Variants in DOK5 observed in about 807,000 individuals in gnomAD.
The protein encoded by DOK5 is downstream of tyrosine kinase 5.
Under a neutral mutation model 43.3 loss-of-function variants are expected in DOK5, and 27 were observed. The ratio of observed to expected loss-of-function variants is 0.62; its 90% CI spans 0.46 to 0.86. DOK5 has a LOEUF of 0.86. Ranked by LOEUF, DOK5 falls within the 40% of genes least tolerant of loss-of-function variation. The probability of loss-of-function intolerance (pLI) is 0.00; values close to 1 mark genes in which losing one functional copy is unlikely to be tolerated. For missense variants in DOK5, 373 were observed against 392.9 expected, an observed-to-expected ratio of 0.95 and a Z score of 0.43; for synonymous variants, 146 against 140.1, an observed-to-expected ratio of 1.04 and a Z score of -0.30.
chr20:54,585,266 C>A (rs1413043631), intron 2 of DOK5, among the ~76,000 whole-genome samples: 1 of 152,022 alleles, frequency 6.6e-6, no homozygotes, highest in Non-Finnish European at 1.5e-5. Context: ...AAAATTATGA[C>A]CCTGGCTGCT....
chr20:54,650,666 T>G lies in DOK5; in HGVS notation c.*187T>G. Reference sequence around the variant, plus strand: ...TTTATTTTCTTTTTCTTTTTTAAATTCTTAGTGTAATTGAAACGTGCTCTA... The same window carrying G: ...TTTATTTTCTTTTTCTTTTTTAAATGCTTAGTGTAATTGAAACGTGCTCTA... On this transcript the variant is annotated 3_prime_UTR_variant, in exon 8 of 8. Transcript: ENST00000262593. 1.8e-6 allele frequency: 1 copy of G among 544,844 alleles called. No individual in the cohort carries two copies. Among genetic ancestry groups the G allele is most frequent in the Non-Finnish European group, 3.2e-6 (1 of 313,610 alleles). 33.8% of individuals were successfully genotyped at this position (544,844 alleles called of 1,614,324 possible).
At chr20:54,619,023 TTATATATATATATATATATATATA>T (rs11468808) in intron 6 of DOK5, among the ~76,000 whole-genome samples, 6,173 of 43,460 alleles carry the variant, frequency 0.14, 349 homozygotes, top group Middle Eastern at 0.24. Flanking sequence ...TTTCAATAAA[TTATATATATATATATATATATATA>T]TATATATATA....
At chr20:54,617,954 C>T (rs1192413431) in intron 6 of DOK5, among the ~76,000 whole-genome samples, 1 of 152,204 alleles carries the variant, frequency 6.6e-6, no homozygotes, top group African/African-American at 2.4e-5. Context: ...ACCACAATAA[C>T]TCTGAGGTAG....
intron 1 of DOK5, among the ~76,000 whole-genome samples, chr20:54,550,040 C>G (rs1297174241): frequency 1.3e-5 from 2 of 152,182 alleles, no homozygotes; most frequent in Admixed American, 6.5e-5. Flanking sequence ...CCTTGACAAC[C>G]ATAGTACTGA....
intron 6 of DOK5, among the ~76,000 whole-genome samples, chr20:54,638,706 G>A (rs538665406): frequency 7.3e-5 from 11 of 151,144 alleles, no homozygotes; most frequent in African/African-American, 2.2e-4. Flanking sequence ...TATGGGTCAC[G>A]TGTAGTATAC....
chr20:54,492,686 TTGTG>T lies in DOK5; in HGVS notation c.66+16708_66+16711del, dbSNP rs34741362. On this transcript the variant is annotated intron_variant, in intron 1 of 7. Coordinates refer to ENST00000262593, the MANE Select transcript of DOK5 (RefSeq NM_018431.5). ...AAAGAGTGCTTGTAAGAGTGTGGCT[TTGTG>T]TGTGTGTGTGTGTGTGTGTGTGTGT... 7.0e-3 allele frequency among the ~76,000 whole-genome samples: 995 copies of T among 141,142 alleles called. 6 individuals carry two copies. Among genetic ancestry groups the T allele is most frequent in the East Asian group, 0.045 (216 of 4,786 alleles). 92.6% of individuals were successfully genotyped at this position (141,142 alleles called of 152,430 possible). A position where few individuals can be genotyped will look rare whatever the true frequency, so the allele number is the denominator to read the frequency against.
chr20:54,632,650 A>T (rs1978623219), intron 6 of DOK5, among the ~76,000 whole-genome samples: 1 of 152,236 alleles, frequency 6.6e-6, no homozygotes, highest in Non-Finnish European at 1.5e-5. Flanking sequence ...TGTGACTTTC[A>T]CGTGGGCTCT....
intron 1 of DOK5, among the ~76,000 whole-genome samples, chr20:54,522,522 C>CT (rs112690376): frequency 0.027 from 3,779 of 140,168 alleles, 91 homozygotes; most frequent in African/African-American, 0.071. Flanking sequence ...TTCTTTCTTT[C>CT]TTTTTTTTTT....
chr20:54,582,807 T>A (rs766704343), intron 2 of DOK5, among the ~76,000 whole-genome samples: 5 of 152,008 alleles, frequency 3.3e-5, no homozygotes, highest in Non-Finnish European at 5.9e-5. Flanking sequence ...TCATTGATCT[T>A]TCAAAAACCA....
At chr20:54,649,656 T>C (rs1979607524) in intron 7 of DOK5, among the ~76,000 whole-genome samples, 1 of 152,214 alleles carries the variant, frequency 6.6e-6, no homozygotes, top group South Asian at 2.1e-4. Context: ...CTCTAGTTTT[T>C]GTTAAATCAG....
chr20:54,523,046 G>C (rs1045746186), intron 1 of DOK5, among the ~76,000 whole-genome samples: 1 of 152,070 alleles, frequency 6.6e-6, no homozygotes, highest in East Asian at 1.9e-4. Flanking sequence ...GTACATAATA[G>C]GTGCTCAAAA....
At chr20:54,504,699 C>T (rs1037346680) in intron 1 of DOK5, among the ~76,000 whole-genome samples, 3 of 152,146 alleles carry the variant, frequency 2.0e-5, no homozygotes, top group Non-Finnish European at 4.4e-5. Flanking sequence ...ACTAGATGAT[C>T]ATATGGTAGA....
At chr20:54,506,976 T>C (rs1982829536) in intron 1 of DOK5, among the ~76,000 whole-genome samples, 1 of 152,226 alleles carries the variant, frequency 6.6e-6, no homozygotes, top group Non-Finnish European at 1.5e-5. Context: ...TTAATCTATC[T>C]ATATCCTTGT....
chr20:54,590,596 GAAATAATT>G (rs1985949606), intron 4 of DOK5, among the ~76,000 whole-genome samples: 1 of 152,062 alleles, frequency 6.6e-6, no homozygotes, highest in Admixed American at 6.6e-5. Flanking sequence ...TTGAGAATAT[GAAATAATT>G]AAAAATTTTT....
chr20:54,493,730 A>G (rs765586154), intron 1 of DOK5, among the ~76,000 whole-genome samples: 1 of 152,078 alleles, frequency 6.6e-6, no homozygotes, highest in Non-Finnish European at 1.5e-5. Context: ...TGAGGCCAGG[A>G]GATTGAGACA....
At chr20:54,612,343 G>T (rs1275817907) in intron 6 of DOK5, among the ~76,000 whole-genome samples, 1 of 152,296 alleles carries the variant, frequency 6.6e-6, no homozygotes, top group East Asian at 1.9e-4. Context: ...GGTGGTGGAC[G>T]TGGGCATGCT....
chr20:54,645,775 C>A (rs769655258), intron 7 of DOK5, among the ~76,000 whole-genome samples: 1 of 152,094 alleles, frequency 6.6e-6, no homozygotes, highest in African/African-American at 2.4e-5. Flanking sequence ...CTATCTTTAT[C>A]ATTTTATCCC....
chr20:54,568,470 G>A (rs776420152), intron 2 of DOK5, among the ~76,000 whole-genome samples: 1 of 152,090 alleles, frequency 6.6e-6, no homozygotes, highest in Non-Finnish European at 1.5e-5. Flanking sequence ...TTTCCGTTTG[G>A]GAGAAATCAC....
At chr20:54,586,445 G>A (rs534896637) in intron 2 of DOK5, among the ~76,000 whole-genome samples, 7 of 152,216 alleles carry the variant, frequency 4.6e-5, no homozygotes, top group African/African-American at 1.7e-4. Flanking sequence ...TAAATTTATG[G>A]GTGAGTTGGG....
Sources: gnomAD v4.1 joint callset for allele counts (sites outside exome capture counted in the v4.1 genomes callset) on GRCh38, gnomAD v4.1.1 for gene constraint, MANE v1.5 for transcripts, NCBI Gene and HGNC (gene_info 2026-07-23, HGNC 2026-07-21) for gene names.